CDK13: variants seen among roughly 807,000 people sequenced by gnomAD.
CDK13 encodes the protein cyclin-dependent kinase 13.
A neutral mutation model predicts 137.6 loss-of-function variants in CDK13; 40 were observed. The observed-to-expected ratio is 0.29, with a 90% CI of 0.23 to 0.38. The LOEUF is 0.38. Among genes scored for constraint, CDK13 ranks in the 10% least tolerant of loss-of-function variants. The pLI, the probability that CDK13 is intolerant of heterozygous loss-of-function variation, is 1.00. For missense variants in CDK13, 1,704 were observed against 1,951.8 expected (o/e 0.87, Z 2.39); for synonymous variants, 869 against 760.1 (o/e 1.14, Z -2.36).
intron 1 of CDK13, among the ~76,000 whole-genome samples, chr7:39,967,874 G>A (rs374148362): frequency 1.5e-3 from 233 of 151,664 alleles, no homozygotes; most frequent in African/African-American, 5.6e-3. Context: ...GTATCTGTTG[G>A]CCATTTGTAT....
chr7:39,951,880 G>A (rs2116074644), intron 1 of CDK13, 28 bp downstream of exon 1: 5 of 1,336,370 alleles, frequency 3.7e-6, no homozygotes, highest in Non-Finnish European at 4.8e-6. Flanking sequence ...GCCTGTGTGT[G>A]CCTTGGCTGC....
At chr7:40,003,204 A>ACTCTCTCTCTCT (rs1247909926) in intron 5 of CDK13, among the ~76,000 whole-genome samples, 13 of 81,228 alleles carry the variant, frequency 1.6e-4, no homozygotes, top group African/African-American at 5.4e-4. Flanking sequence ...ACACACACAC[A>ACTCTCTCTCTCT]CACTCTCTCT....
intron 1 of CDK13, among the ~76,000 whole-genome samples, chr7:39,957,554 C>T (rs938564176): frequency 2.6e-5 from 4 of 152,184 alleles, no homozygotes; most frequent in African/African-American, 9.7e-5. Context: ...TTTACATACA[C>T]TCTCATACTC....
At chr7:40,057,951 A>T (rs1786057146) in intron 7 of CDK13, among the ~76,000 whole-genome samples, 1 of 152,246 alleles carries the variant, frequency 6.6e-6, no homozygotes, top group Admixed American at 6.5e-5. Flanking sequence ...TTAATAAGTT[A>T]GGCAATGCAT....
At chr7:39,975,430 C>A (rs1024606778) in intron 1 of CDK13, among the ~76,000 whole-genome samples, 2 of 151,976 alleles carry the variant, frequency 1.3e-5, no homozygotes, top group South Asian at 2.1e-4. Context: ...ACAAAAAAAA[C>A]CCCTCAAATA....
At chr7:40,023,912 C>T (rs1785183440) in intron 5 of CDK13, among the ~76,000 whole-genome samples, 1 of 152,160 alleles carries the variant, frequency 6.6e-6, no homozygotes, top group Non-Finnish European at 1.5e-5. Context: ...TTTTATTTGT[C>T]CTTAGTCAGC....
At chr7:40,068,985 G>T (rs1250667478) in intron 9 of CDK13, among the ~76,000 whole-genome samples, 1 of 151,980 alleles carries the variant, frequency 6.6e-6, no homozygotes, top group Non-Finnish European at 1.5e-5. Flanking sequence ...TGTAATCTCA[G>T]CACTTTGGAA....
chr7:40,020,442 A>G (rs1785092995), intron 5 of CDK13, among the ~76,000 whole-genome samples: 1 of 152,066 alleles, frequency 6.6e-6, no homozygotes, highest in South Asian at 2.1e-4. Context: ...TGCTACTTTC[A>G]TACTCCTTTA....
intron 1 of CDK13, among the ~76,000 whole-genome samples, chr7:39,965,211 G>A (rs1205733537): frequency 6.6e-6 from 1 of 152,170 alleles, no homozygotes; most frequent in Non-Finnish European, 1.5e-5. Context: ...TCTGTCTAAT[G>A]TTGACAGTGG....
chr7:40,074,922 T>G (rs955160722), intron 9 of CDK13, among the ~76,000 whole-genome samples: 2 of 150,744 alleles, frequency 1.3e-5, no homozygotes, highest in African/African-American at 2.4e-5. Context: ...AGGAAAGAAA[T>G]AGAAACACTA....
At chr7:40,048,027 G>C in intron 7 of CDK13, 150 bp downstream of exon 7, 1 of 482,850 alleles carries the variant, frequency 2.1e-6, no homozygotes, top group Non-Finnish European at 3.7e-6. Context: ...TACCATATTG[G>C]GTTGATTATT....
intron 7 of CDK13, chr7:40,048,520 C>A (rs902564198): frequency 6.6e-6 from 1 of 151,960 alleles, no homozygotes; most frequent in African/African-American, 2.4e-5. Context: ...CTTAATAAAT[C>A]TTTAGTCCAT....
intron 7 of CDK13, among the ~76,000 whole-genome samples, chr7:40,050,495 G>A (rs35082351): frequency 0.27 from 40,559 of 152,150 alleles, 6,539 homozygotes; most frequent in Middle Eastern, 0.45. Context: ...GGGTTCTAGC[G>A]ATTCTCCAGC....
In CDK13 at chr7:39,981,885, G is replaced by A. The variant is rs540118959; in HGVS notation, c.1212-5714G>A. 1.9e-3 allele frequency among the ~76,000 whole-genome samples: 280 copies of A among 149,840 alleles called. 1 individual carries two copies. Among genetic ancestry groups the A allele is most frequent in the African/African-American group, 6.7e-3 (272 of 40,700 alleles). ...CGGCTCACTGCAAGCTCTGCCTCCC[G>A]GGTTCATGCCATTCTCCTGCCTCAG... On this transcript the variant is annotated intron_variant, in intron 1 of 13. Transcript: ENST00000181839.
intron 1 of CDK13, among the ~76,000 whole-genome samples, chr7:39,971,364 A>G (rs1249401030): frequency 1.3e-5 from 2 of 151,942 alleles, no homozygotes; most frequent in African/African-American, 4.8e-5. Flanking sequence ...TAAGGGTACA[A>G]AAACTAGCTG....
Position 39,975,073 on chromosome 7 carries a change from GA to G in CDK13, c.1212-12516del, listed in dbSNP as rs113478569. On this transcript the variant is annotated intron_variant, in intron 1 of 13. Transcript: ENST00000181839. The stretch of plus-strand genomic sequence containing the variant: ...GATTCCAAGTCATTGCAGAAGTCAG[GA>G]AAAAAAAAAGACTTTGTTTCTCTCA... Among the ~76,000 whole-genome samples the G allele has an allele frequency of 3.0e-3, 438 of 146,394 alleles. 2 individuals carry two copies. The highest frequency in any genetic ancestry group is 5.0e-3 in the South Asian group (23 of 4,604).
At chr7:40,033,477 TA>T (rs1263671860) in intron 5 of CDK13, among the ~76,000 whole-genome samples, 3 of 152,180 alleles carry the variant, frequency 2.0e-5, no homozygotes, top group African/African-American at 7.2e-5. Flanking sequence ...AAGTCAGAGA[TA>T]GTACGTGGTG....
At chr7:40,006,739 G>T (rs367632007) in intron 5 of CDK13, among the ~76,000 whole-genome samples, 3 of 152,088 alleles carry the variant, frequency 2.0e-5, no homozygotes, top group Non-Finnish European at 4.4e-5. Flanking sequence ...CCGAGATTGC[G>T]CCACTGCACT....
intron 1 of CDK13, among the ~76,000 whole-genome samples, chr7:39,956,114 A>AATATGCC (rs1248456786): frequency 1.3e-5 from 2 of 152,234 alleles, no homozygotes; most frequent in African/African-American, 4.8e-5. Flanking sequence ...AAACTCAAAA[A>AATATGCC]ATATGCCACT....
Sources: gnomAD v4.1 joint callset for allele counts (sites outside exome capture counted in the v4.1 genomes callset) on GRCh38, gnomAD v4.1.1 for gene constraint, MANE v1.5 for transcripts, NCBI Gene and HGNC (gene_info 2026-07-23, HGNC 2026-07-21) for gene names.